Variants in CCDC148 observed in about 807,000 individuals in gnomAD.
CCDC148 encodes coiled-coil domain-containing protein 148.
CCDC148 carries 89 observed loss-of-function variants against 85.7 expected under a neutral mutation model. The observed-to-expected ratio is 1.04, with a 90% confidence interval of 0.87 to 1.24. CCDC148 has a LOEUF of 1.24. Ranked by LOEUF, CCDC148 falls within the 50% of genes most tolerant of loss-of-function variation. The pLI is 0.00. For synonymous variants in CCDC148, 230 were observed against 213.9 expected, an observed-to-expected ratio of 1.08 and a Z score of -0.66; for missense variants, 692 against 671.7, an observed-to-expected ratio of 1.03 and a Z score of -0.33.
At chr2:158,177,708 TA>T (rs1330383458) in intron 12 of CCDC148, among the ~76,000 whole-genome samples, 14 of 152,206 alleles carry the variant, frequency 9.2e-5, no homozygotes, top group Admixed American at 7.9e-4. Flanking sequence ...CTTACATTCC[TA>T]TGCTTTAAAT....
At chr2:158,326,794 C>G (rs1301404846) in intron 7 of CCDC148, among the ~76,000 whole-genome samples, 1 of 152,030 alleles carries the variant, frequency 6.6e-6, no homozygotes, top group African/African-American at 2.4e-5. Context: ...ACCTACTCCC[C>G]CAGGCATCTG....
intron 1 of CCDC148, among the ~76,000 whole-genome samples, chr2:158,440,043 A>G (rs918625989): frequency 6.6e-6 from 1 of 151,332 alleles, no homozygotes; most frequent in Admixed American, 6.6e-5. Context: ...TTTTACTATT[A>G]CTTTTAGTAG....
chr2:158,401,834 A>G (rs529823711), intron 1 of CCDC148, among the ~76,000 whole-genome samples: 11 of 152,172 alleles, frequency 7.2e-5, no homozygotes, highest in Non-Finnish European at 1.3e-4. Flanking sequence ...CGGGGAGAAC[A>G]TATCAGAATT....
At chr2:158,337,711 C>A (rs1682459463) in intron 7 of CCDC148, among the ~76,000 whole-genome samples, 2 of 152,094 alleles carry the variant, frequency 1.3e-5, no homozygotes, top group Non-Finnish European at 2.9e-5. Context: ...AGAATCAGCT[C>A]TATTTACTGA....
intron 1 of CCDC148, among the ~76,000 whole-genome samples, chr2:158,392,603 A>T (rs1034409656): frequency 6.6e-6 from 1 of 152,124 alleles, no homozygotes; most frequent in African/African-American, 2.4e-5. Context: ...TGGATAAAGG[A>T]TACTAAACCT....
At chr2:158,174,654 G>A (rs1443070925) in intron 13 of CCDC148, among the ~76,000 whole-genome samples, 1 of 151,958 alleles carries the variant, frequency 6.6e-6, no homozygotes, top group Non-Finnish European at 1.5e-5. Flanking sequence ...ATAGGCCATT[G>A]CTCCTAGGCT....
Position 158,261,854 on chromosome 2 carries a change from T to C in CCDC148, c.1111-10942A>G, listed in dbSNP as rs573406422. Among the ~76,000 whole-genome samples the C allele has an allele frequency of 7.9e-5, 12 of 152,008 alleles. No homozygotes were observed. In the East Asian group the frequency reaches 2.1e-3, roughly 27 times the overall value. ...AGTCACAATGGCCATTATTAAAAAG[T>C]TGAAAAATAAGAGATGCTGGCAAGG... On this transcript the variant is annotated intron_variant, in intron 9 of 13. Coordinates refer to ENST00000283233, the MANE Select transcript of CCDC148 (RefSeq NM_138803.4).
chr2:158,416,470 C>A (rs1686505362), intron 1 of CCDC148, among the ~76,000 whole-genome samples: 1 of 152,166 alleles, frequency 6.6e-6, no homozygotes, highest in South Asian at 2.1e-4. Context: ...TTAGAAATTT[C>A]TTCTGCCAGA....
At chr2:158,416,636 A>G (rs1300066849) in intron 1 of CCDC148, among the ~76,000 whole-genome samples, 1 of 152,128 alleles carries the variant, frequency 6.6e-6, no homozygotes, top group Non-Finnish European at 1.5e-5. Context: ...CACTGTCCAT[A>G]TTACTATCAG....
At chr2:158,280,000 C>A (rs1029027109) in intron 9 of CCDC148, among the ~76,000 whole-genome samples, 73 of 151,668 alleles carry the variant, frequency 4.8e-4, no homozygotes, top group Non-Finnish European at 9.3e-4. Flanking sequence ...GAATTTTCAA[C>A]CCAGAATTTC....
At chr2:158,207,452 C>T (rs1207939685) in intron 11 of CCDC148, 1 of 152,192 alleles carries the variant, frequency 6.6e-6, no homozygotes, top group Non-Finnish European at 1.5e-5. Flanking sequence ...CCCCAAAGAT[C>T]CTTTAATAAA....
intron 10 of CCDC148, among the ~76,000 whole-genome samples, chr2:158,235,201 G>A (rs752554407): frequency 2.6e-5 from 4 of 152,194 alleles, no homozygotes; most frequent in Non-Finnish European, 5.9e-5. Context: ...ATTATGGCCA[G>A]TTTTTATAAT....
At chr2:158,279,680 G>A (rs1690165618) in intron 9 of CCDC148, among the ~76,000 whole-genome samples, 1 of 152,182 alleles carries the variant, frequency 6.6e-6, no homozygotes, top group African/African-American at 2.4e-5. Context: ...AGGGGGAATG[G>A]AACCAAGTTG....
intron 7 of CCDC148, among the ~76,000 whole-genome samples, chr2:158,314,272 C>T (rs1429055573): frequency 1.3e-5 from 2 of 152,050 alleles, no homozygotes; most frequent in Non-Finnish European, 2.9e-5. Flanking sequence ...CAACAAGGTT[C>T]CTATGTCTAA....
chr2:158,386,565 C>A (rs527934250), intron 1 of CCDC148, among the ~76,000 whole-genome samples: 1 of 152,204 alleles, frequency 6.6e-6, no homozygotes, highest in South Asian at 2.1e-4. Context: ...ACCACAAGTT[C>A]AGCTTGAATA....
chr2:158,362,121 G>A (rs1403090634), intron 1 of CCDC148, among the ~76,000 whole-genome samples: 1 of 151,722 alleles, frequency 6.6e-6, no homozygotes, highest in African/African-American at 2.4e-5. Context: ...AACAAGAAGA[G>A]CTAACTATCC....
intron 1 of CCDC148, among the ~76,000 whole-genome samples, chr2:158,397,368 C>A (rs887627265): frequency 1.6e-4 from 25 of 152,098 alleles, no homozygotes; most frequent in African/African-American, 6.0e-4. Context: ...ATGTTAAGGG[C>A]AGCCAGAGAG....
intron 10 of CCDC148, among the ~76,000 whole-genome samples, chr2:158,232,546 G>C (rs1330196829): frequency 6.6e-6 from 1 of 152,128 alleles, no homozygotes; most frequent in Non-Finnish European, 1.5e-5. Flanking sequence ...ATAGGAAGCA[G>C]AAAGTTAGGA....
chr2:158,438,697 A>C (rs551658804), intron 1 of CCDC148, among the ~76,000 whole-genome samples: 4 of 152,326 alleles, frequency 2.6e-5, no homozygotes, highest in South Asian at 2.1e-4. Context: ...CAACCTACAG[A>C]ATGGGAGAAA....
Sources: allele counts gnomAD v4.1 joint callset (sites outside exome capture counted in the v4.1 genomes callset), GRCh38; gene constraint gnomAD v4.1.1; transcripts MANE v1.5; gene names NCBI Gene and HGNC (gene_info 2026-07-23, HGNC 2026-07-21).